Variants in NFATC2IP observed in about 807,000 individuals in gnomAD.
The protein encoded by NFATC2IP is nuclear factor of activated T cells 2 interacting protein.
NFATC2IP carries 25 observed loss-of-function variants against 40.2 expected under a neutral mutation model. That is an observed-to-expected ratio of 0.62 (90% CI 0.45 to 0.87). NFATC2IP has a LOEUF of 0.87. Ranked by LOEUF, NFATC2IP falls within the 40% of genes least tolerant of loss-of-function variation. The pLI is 0.00. For synonymous variants in NFATC2IP, 241 were observed against 236.3 expected (o/e 1.02, Z -0.18); for missense variants, 553 against 555.6 (o/e 1.00, Z 0.05).
rs1442484530 is a variant in NFATC2IP at position 28,955,977 on chromosome 16, G to T, written c.579-1G>T. On this transcript the variant is annotated splice_acceptor_variant, in intron 3 of 7. Coordinates refer to ENST00000320805, the MANE Select transcript of NFATC2IP (RefSeq NM_032815.4). LOFTEE classifies it high-confidence loss of function. ...CGTCCTGCTGTCTCTTGCTTCTACA[G>T]GGATCTGGACAACTCTCCTCTGTCC... is the stretch of plus-strand genomic sequence containing the variant. The T allele has an allele frequency of 6.2e-7, 1 of 1,612,610 alleles. No individual in the cohort carries two copies. Among genetic ancestry groups the T allele is most frequent in the Non-Finnish European group, 8.5e-7 (1 of 1,178,796 alleles).
intron 7 of NFATC2IP, among the ~76,000 whole-genome samples, chr16:28,959,817 C>T (rs1181461518): frequency 6.6e-6 from 1 of 152,166 alleles, no homozygotes; most frequent in Admixed American, 6.6e-5. Context: ...AGCCACCCAC[C>T]TTGGCCTCCC....
intron 5 of NFATC2IP, among the ~76,000 whole-genome samples, chr16:28,958,045 T>G (rs896570655): frequency 6.6e-6 from 1 of 150,930 alleles, no homozygotes; most frequent in Non-Finnish European, 1.5e-5. Context: ...CTGCCTCAGA[T>G]CTCACCTGAG....
At position 28,965,909 on chromosome 16, in the gene NFATC2IP, G is replaced by C. The variant is rs780130084; in HGVS notation, c.*2046G>C. The stretch of plus-strand genomic sequence containing the variant: ...ATCTCTACTAAAAATACAAAAATTA[G>C]CTGGGTGCAGTGGCGCATGCTTGTA... On this transcript the variant is annotated 3_prime_UTR_variant, in exon 8 of 8. Transcript: ENST00000320805. 6.6e-6 allele frequency: 1 copy of C among 151,974 alleles called. No homozygotes were observed. The highest frequency in any genetic ancestry group is 6.6e-5 in the Admixed American group (1 of 15,246). 9.4% of individuals were successfully genotyped at this position (151,974 alleles called of 1,614,324 possible). A position where few individuals can be genotyped will look rare whatever the true frequency, so the allele number is the denominator to read the frequency against.
At position 28,954,615 on chromosome 16, in the gene NFATC2IP, C is replaced by T. The variant is rs1193943226; in HGVS notation, c.511C>T (p.Pro171Ser). The T allele has an allele frequency of 1.2e-6, 2 of 1,613,884 alleles. No homozygotes were observed. Among genetic ancestry groups the T allele is most frequent in the African/African-American group, 1.3e-5 (1 of 74,912 alleles). The change falls in exon 3 of 8, where the codon CCA (proline) becomes TCA (serine). Residue 171 changes from proline to serine, a missense_variant. Physicochemically the swap from Pro to Ser is moderately conservative, Grantham distance 74 (BLOSUM62 -1). Coordinates refer to ENST00000320805, the MANE Select transcript of NFATC2IP (RefSeq NM_032815.4). ...TCTCTACCATGAGGGCTCCCCATCA[C>T]CAGGCTCTCCCTGGAAGACAAAGCT... ...SGLYHEGSPS[P>S]GSPWKTKLRT...
chr16:28,955,090 A>T (rs1318695207), intron 3 of NFATC2IP, among the ~76,000 whole-genome samples: 1 of 152,078 alleles, frequency 6.6e-6, no homozygotes, highest in African/African-American at 2.4e-5. Context: ...GCTGCTCGGG[A>T]GGCTGAGATG....
At position 28,964,027 on chromosome 16, in the gene NFATC2IP, C is replaced by T. The variant is rs1012939133; in HGVS notation, c.*164C>T. ...TCTCCTGTTGACCCTGGTTTAGAGC[C>T]GTTAACCACTTGGTGAGTTATGTGG... On this transcript the variant is annotated 3_prime_UTR_variant, in exon 8 of 8. Transcript: ENST00000320805. The T allele has an allele frequency of 4.4e-5, 29 of 654,032 alleles. 2 individuals carry two copies. The highest frequency in any genetic ancestry group is 2.7e-4 in the South Asian group (14 of 51,034). 40.5% of individuals were successfully genotyped at this position (654,032 alleles called of 1,614,324 possible).
chr16:28,952,042 G>T, intron 1 of NFATC2IP, 90 bp from the exon 2 acceptor site: 1 of 1,558,502 alleles, frequency 6.4e-7, no homozygotes. Context: ...GGATTTGGGA[G>T]CTGGGTGTCA....
intron 7 of NFATC2IP, among the ~76,000 whole-genome samples, chr16:28,961,949 G>T (rs1965093332): frequency 1.3e-5 from 2 of 150,508 alleles, no homozygotes; most frequent in African/African-American, 4.9e-5. Flanking sequence ...TGTTGCCCAG[G>T]CTGGAGTGCA....
chr16:28,963,258 T>A (rs977181752), intron 7 of NFATC2IP, among the ~76,000 whole-genome samples: 1 of 152,216 alleles, frequency 6.6e-6, no homozygotes, highest in African/African-American at 2.4e-5. Flanking sequence ...CCACAAGGTG[T>A]CTTCTCTGGG....
rs745457243 is a variant in NFATC2IP at position 28,951,319 on chromosome 16, C to T, written c.308C>T (p.Pro103Leu). The stretch of plus-strand genomic sequence containing the variant: ...GAGGACAGGCGGCCCGCAGGACCCC[C>T]GCGGGAGCCGGTCAGGCGGCGGCGG... Reference protein sequence around the residue: ...EGEDRRPAGPPREPVRRRRRL... With the variant: ...EGEDRRPAGPLREPVRRRRRL... Residue 103 changes from proline (P) to leucine (L), a missense_variant, in exon 1 of 8, where the codon CCG becomes CTG. Transcript: ENST00000320805. The T allele has an allele frequency of 1.4e-6, 2 of 1,403,006 alleles. No homozygotes were observed. Among genetic ancestry groups the T allele is most frequent in the South Asian group, 1.6e-5 (1 of 62,620 alleles). 86.9% of individuals were successfully genotyped at this position (1,403,006 alleles called of 1,614,324 possible). A position where few individuals can be genotyped will look rare whatever the true frequency, so the allele number is the denominator to read the frequency against.
chr16:28,952,633 G>T (rs1207895737), intron 2 of NFATC2IP: 1 of 187,034 alleles, frequency 5.3e-6, no homozygotes, highest in African/African-American at 2.4e-5. Flanking sequence ...AAATAATCCA[G>T]TGGGCAAATG....
intron 2 of NFATC2IP, 28 bp downstream of exon 2, chr16:28,952,232 C>G: frequency 6.2e-7 from 1 of 1,612,778 alleles, no homozygotes. Context: ...GGGAGAGGCA[C>G]GCAGCCGCTG....
chr16:28,957,218 G>A (rs1394600751), intron 5 of NFATC2IP: 1 of 151,820 alleles, frequency 6.6e-6, no homozygotes, highest in Non-Finnish European at 1.5e-5. Flanking sequence ...ATTTTTAGTG[G>A]AGGCAGGGCT....
At chr16:28,955,884 C>A in intron 3 of NFATC2IP, 94 bp from the exon 4 acceptor site, 1 of 1,026,104 alleles carries the variant, frequency 9.7e-7, no homozygotes. Context: ...CCATTGCGTC[C>A]GACTATGCTT....
In NFATC2IP at chr16:28,951,218, C is replaced by A. The variant is rs958560839; in HGVS notation, c.207C>A (p.Asp69Glu). ...TCGCCACCGCTCGCGGTGCCGCGGA[C>A]GAGGTTGAGGTGGAGCCCCCGGAGC... is the stretch of plus-strand genomic sequence containing the variant. ...LEVATARGAADEVEVEPPEPP... is the reference protein window; with the variant it reads ...LEVATARGAAEEVEVEPPEPP... Residue 69 changes from aspartate to glutamate, a missense_variant, in exon 1 of 8, where the codon GAC becomes GAA. By Grantham distance (45) the Asp-to-Glu change is conservative. Transcript: ENST00000320805. The A allele has an allele frequency of 8.5e-5, 131 of 1,533,392 alleles. No homozygotes were observed. Among genetic ancestry groups the A allele is most frequent in the Non-Finnish European group, 1.2e-4 (131 of 1,137,364 alleles). The allele number at this position is 1,533,392 out of a possible 1,614,324, so 95.0% of individuals were successfully genotyped here.
At chr16:28,957,432 C>T (rs1424946711) in intron 5 of NFATC2IP, among the ~76,000 whole-genome samples, 7 of 151,816 alleles carry the variant, frequency 4.6e-5, no homozygotes, top group Non-Finnish European at 1.0e-4. Context: ...CACTTGAGGC[C>T]AGGAGTTCGA....
chr16:28,966,407 G>T lies in NFATC2IP; in HGVS notation c.*2544G>T. The T allele has an allele frequency of 6.8e-6, 1 of 146,442 alleles. No homozygotes were observed. The highest frequency in any genetic ancestry group is 2.0e-4 in the East Asian group (1 of 5,114). 9.1% of individuals were successfully genotyped at this position (146,442 alleles called of 1,614,324 possible). On this transcript the variant is annotated 3_prime_UTR_variant, in exon 8 of 8. Coordinates refer to ENST00000320805, the MANE Select transcript of NFATC2IP (RefSeq NM_032815.4). ...GAGGATTGCTTGAGCCCAGGAGTTT[G>T]AGACCAGCCTGGGCAACACAGCGAG...
chr16:28,952,742 CTTTT>C (rs66466268), intron 2 of NFATC2IP: 5 of 138,160 alleles, frequency 3.6e-5, no homozygotes, highest in Admixed American at 7.3e-5. Flanking sequence ...TCAGTTCTCT[CTTTT>C]TTTTTTTTTT....
intron 1 of NFATC2IP, among the ~76,000 whole-genome samples, 167 bp from the exon 2 acceptor site, chr16:28,951,947 GTGAAGGGTACTTCCATTC>G (rs1964971400): frequency 6.6e-6 from 1 of 152,140 alleles, no homozygotes; most frequent in African/African-American, 2.4e-5. Context: ...GGAGGAAAGG[GTGAAGGGTACTTCCATTC>G]TGAATCCTGG....
Sources: gnomAD v4.1 joint callset for allele counts (sites outside exome capture counted in the v4.1 genomes callset) on GRCh38, gnomAD v4.1.1 for gene constraint, MANE v1.5 for transcripts, NCBI Gene and HGNC (gene_info 2026-07-23, HGNC 2026-07-21) for gene names.